The following EEFSEC variants were observed in gnomAD, a reference collection of about 807,000 sequenced individuals.
EEFSEC encodes selenocysteine-specific elongation factor.
EEFSEC carries 43 observed loss-of-function variants against 42.1 expected under a neutral mutation model. That is an observed-to-expected ratio of 1.02 (90% CI 0.80 to 1.32). EEFSEC has a LOEUF of 1.32. Among genes scored for constraint, EEFSEC ranks in the 40% most tolerant of loss-of-function variants. The pLI, the probability that EEFSEC is intolerant of heterozygous loss-of-function variation, is 0.00. For missense variants in EEFSEC, 745 were observed against 803.6 expected, an observed-to-expected ratio of 0.93 and a Z score of 0.88; for synonymous variants, 354 against 339.1, an observed-to-expected ratio of 1.04 and a Z score of -0.48.
chr3:128,169,479 G>A lies in EEFSEC; in HGVS notation c.316+15656G>A, dbSNP rs377668454. ...TTCTGAAATAGGACACGGTGAGACA[G>A]AAGAAGGCAGGCCAGCCTTCTGGAT... On this transcript the variant is annotated intron_variant, in intron 1 of 6. Transcript: ENST00000254730. Among the ~76,000 whole-genome samples the A allele has an allele frequency of 6.6e-5, 10 of 152,324 alleles. No individual in the cohort carries two copies. In the South Asian group the frequency reaches 2.1e-3, roughly 32 times the overall value.
At chr3:128,321,776 G>A (rs989419275) in intron 4 of EEFSEC, among the ~76,000 whole-genome samples, 3 of 152,200 alleles carry the variant, frequency 2.0e-5, no homozygotes, top group Admixed American at 6.5e-5. Flanking sequence ...TCCTTGCCCC[G>A]ATGGAATGTC....
chr3:128,419,903 G>A, the EEFSEC span, among the ~76,000 whole-genome samples: 4 of 152,202 alleles, frequency 2.6e-5, no homozygotes, highest in Admixed American at 2.6e-4. Context: ...CACCCCCATG[G>A]GGTTTGTCAT....
intron 4 of EEFSEC, among the ~76,000 whole-genome samples, chr3:128,339,535 T>A (rs950054081): frequency 5.9e-5 from 9 of 152,248 alleles, no homozygotes; most frequent in African/African-American, 2.2e-4. Flanking sequence ...CAGGAACTTT[T>A]ATTGGAGACT....
rs1042228431 is a variant in EEFSEC at position 128,272,567 on chromosome 3, G to A, written c.786+7786G>A. Among the ~76,000 whole-genome samples, 8 of 152,300 alleles carry A rather than the reference G, an allele frequency of 5.3e-5. No homozygotes were observed. In the East Asian group the frequency reaches 1.5e-3, roughly 29 times the overall value. On this transcript the variant is annotated intron_variant, in intron 4 of 6. Coordinates refer to ENST00000254730, the MANE Select transcript of EEFSEC (RefSeq NM_021937.5). The stretch of plus-strand genomic sequence containing the variant: ...TGTGTCTGCCCCGCCTCAGAACTTC[G>A]TGTATTGTGAGAGCTCTGTCTCCAC...
At chr3:128,265,776 A>G (rs139222576) in intron 4 of EEFSEC, among the ~76,000 whole-genome samples, 151 of 152,298 alleles carry the variant, frequency 9.9e-4, no homozygotes, top group African/African-American at 3.3e-3. Flanking sequence ...GTGTTGGTTA[A>G]GGTTCTCCGG....
chr3:128,389,751 G>A (rs2067885680), intron 6 of EEFSEC, among the ~76,000 whole-genome samples: 1 of 152,256 alleles, frequency 6.6e-6, no homozygotes, highest in Non-Finnish European at 1.5e-5. Flanking sequence ...TTGGCTTAAC[G>A]CCGAGAGCCT....
At chr3:128,395,519 A>G (rs900499491) in intron 6 of EEFSEC, among the ~76,000 whole-genome samples, 2 of 152,134 alleles carry the variant, frequency 1.3e-5, no homozygotes, top group Non-Finnish European at 2.9e-5. Context: ...TTTGCATCCA[A>G]GTCTCCCTCT....
chr3:128,282,454 G>A lies in EEFSEC; in HGVS notation c.786+17673G>A, dbSNP rs193073669. Among the ~76,000 whole-genome samples, 20 of 152,360 alleles carry A rather than the reference G, an allele frequency of 1.3e-4. No individual in the cohort carries two copies. The East Asian group carries it at 3.9e-3, about 29-fold the overall frequency. ...ATGCTGCTTGCCAAAGGTTATTTTGGATCTGTTTTTGTTTATCAGGTAGAA... is the reference window on the plus strand; with the variant it reads ...ATGCTGCTTGCCAAAGGTTATTTTGAATCTGTTTTTGTTTATCAGGTAGAA... On this transcript the variant is annotated intron_variant, in intron 4 of 6. Coordinates refer to ENST00000254730, the MANE Select transcript of EEFSEC (RefSeq NM_021937.5).
intron 6 of EEFSEC, among the ~76,000 whole-genome samples, chr3:128,393,953 G>T (rs78268957): frequency 0.01 from 1,531 of 152,050 alleles, 27 homozygotes; most frequent in African/African-American, 0.034. Flanking sequence ...TGGGTGACAC[G>T]TGTGCAGCAG....
chr3:128,335,364 G>C (rs1237654737), intron 4 of EEFSEC, among the ~76,000 whole-genome samples: 1 of 152,176 alleles, frequency 6.6e-6, no homozygotes, highest in African/African-American at 2.4e-5. Context: ...GTCTCTTGCT[G>C]GGTGGGGTGA....
At chr3:128,387,423 C>T (rs1382655724) in intron 6 of EEFSEC, among the ~76,000 whole-genome samples, 3 of 152,120 alleles carry the variant, frequency 2.0e-5, no homozygotes, top group East Asian at 1.9e-4. Context: ...CACAAAGGTG[C>T]ATGAGTCCAG....
intron 4 of EEFSEC, among the ~76,000 whole-genome samples, chr3:128,331,588 T>C (rs561777230): frequency 2.6e-5 from 4 of 151,832 alleles, no homozygotes; most frequent in Non-Finnish European, 4.4e-5. Context: ...TAAAGAGTTG[T>C]GTGTGTCACT....
At chr3:128,290,246 A>G (rs918487655) in intron 4 of EEFSEC, among the ~76,000 whole-genome samples, 2 of 152,084 alleles carry the variant, frequency 1.3e-5, no homozygotes, top group African/African-American at 4.8e-5. Flanking sequence ...TTCAATTCCA[A>G]ATTAATTTTT....
At chr3:128,305,901 G>A (rs998513000) in intron 4 of EEFSEC, among the ~76,000 whole-genome samples, 4 of 152,178 alleles carry the variant, frequency 2.6e-5, no homozygotes, top group African/African-American at 9.7e-5. Flanking sequence ...AGGTGTTTAA[G>A]GTTGTGAATG....
At chr3:128,403,504 C>T (rs1381147087) in intron 6 of EEFSEC, among the ~76,000 whole-genome samples, 1 of 152,162 alleles carries the variant, frequency 6.6e-6, no homozygotes, top group African/African-American at 2.4e-5. Context: ...AGACACCAGG[C>T]AGATGGGCAG....
intron 6 of EEFSEC, among the ~76,000 whole-genome samples, chr3:128,364,388 G>A (rs926089269): frequency 3.5e-4 from 54 of 152,166 alleles, no homozygotes; most frequent in Admixed American, 2.0e-4. Context: ...GCTTCCTGGA[G>A]GAGTAGCCTT....
chr3:128,334,383 C>T (rs1368586475), intron 4 of EEFSEC, among the ~76,000 whole-genome samples: 1 of 152,232 alleles, frequency 6.6e-6, no homozygotes, highest in Non-Finnish European at 1.5e-5. Flanking sequence ...CTGCCTGCTG[C>T]CTGCTGCCAG....
intron 4 of EEFSEC, among the ~76,000 whole-genome samples, chr3:128,323,930 C>G (rs745745028): frequency 1.7e-4 from 26 of 152,218 alleles, no homozygotes; most frequent in Non-Finnish European, 2.6e-4. Context: ...CGCCTCCCCC[C>G]CTGTGGCAGG....
chr3:128,234,991 A>T (rs1033712429), intron 1 of EEFSEC, among the ~76,000 whole-genome samples: 1 of 152,150 alleles, frequency 6.6e-6, no homozygotes, highest in African/African-American at 2.4e-5. Context: ...TTCTTTTTTT[A>T]AACTTTTCAC....
Sources: gnomAD v4.1 joint callset for allele counts (sites outside exome capture counted in the v4.1 genomes callset) on GRCh38, gnomAD v4.1.1 for gene constraint, MANE v1.5 for transcripts, NCBI Gene and HGNC (gene_info 2026-07-23, HGNC 2026-07-21) for gene names.